The following CDC42SE2 variants were observed in gnomAD, a reference collection of about 807,000 sequenced individuals.
CDC42SE2 encodes the protein CDC42 small effector protein 2.
In CDC42SE2, 3 loss-of-function variants were observed where a neutral mutation model predicts 11.5. The observed-to-expected ratio is 0.26, with a 90% CI of 0.12 to 0.67. CDC42SE2 has a LOEUF of 0.67. CDC42SE2 is among the 30% of genes least tolerant of loss of function. CDC42SE2 has a pLI of 0.80. For missense variants in CDC42SE2, 82 were observed against 106.8 expected (o/e 0.77, Z 1.02); for synonymous variants, 33 against 34.8 (o/e 0.95, Z 0.18).
At chr5:131,283,319 T>C (rs768655409) in intron 1 of CDC42SE2, among the ~76,000 whole-genome samples, 3 of 152,202 alleles carry the variant, frequency 2.0e-5, no homozygotes, top group Admixed American at 6.5e-5. Context: ...TAGTCATTTC[T>C]GTTCTTCCCT....
At chr5:131,331,361 A>G (rs1176980518) in intron 2 of CDC42SE2, among the ~76,000 whole-genome samples, 1 of 152,220 alleles carries the variant, frequency 6.6e-6, no homozygotes, top group Non-Finnish European at 1.5e-5. Context: ...AAGAATCAAC[A>G]TAATTATAAT....
chr5:131,292,749 T>C (rs1241456681), intron 1 of CDC42SE2, among the ~76,000 whole-genome samples: 1 of 149,528 alleles, frequency 6.7e-6, no homozygotes, highest in Non-Finnish European at 1.5e-5. Flanking sequence ...ATAAAAATAA[T>C]AATAAAATAA....
intron 2 of CDC42SE2, among the ~76,000 whole-genome samples, chr5:131,350,399 A>T (rs1758977348): frequency 6.6e-6 from 1 of 152,006 alleles, no homozygotes; most frequent in Non-Finnish European, 1.5e-5. Flanking sequence ...CACCCTACAA[A>T]ATATTAATGT....
intron 2 of CDC42SE2, among the ~76,000 whole-genome samples, chr5:131,257,483 T>C (rs1040078747): frequency 6.6e-6 from 1 of 151,290 alleles, no homozygotes; most frequent in African/African-American, 2.4e-5. Flanking sequence ...TGCTAATTTT[T>C]TTTTTTTTTT....
At chr5:131,300,114 T>C (rs1175598981) in intron 1 of CDC42SE2, among the ~76,000 whole-genome samples, 4 of 152,182 alleles carry the variant, frequency 2.6e-5, no homozygotes, top group African/African-American at 9.7e-5. Flanking sequence ...ATCCCATTGT[T>C]GGTGATCGTG....
At chr5:131,308,930 C>T (rs886119608) in intron 1 of CDC42SE2, among the ~76,000 whole-genome samples, 19 of 150,946 alleles carry the variant, frequency 1.3e-4, no homozygotes, top group African/African-American at 4.4e-4. Flanking sequence ...AATTGAATAC[C>T]CTTTATTTCC....
At chr5:131,278,441 G>A (rs1757149031) in intron 1 of CDC42SE2, among the ~76,000 whole-genome samples, 1 of 151,920 alleles carries the variant, frequency 6.6e-6, no homozygotes, top group Non-Finnish European at 1.5e-5. Flanking sequence ...TTAGATCAGA[G>A]TAGTTAAGTG....
intron 2 of CDC42SE2, among the ~76,000 whole-genome samples, chr5:131,352,480 A>G (rs572380469): frequency 6.6e-6 from 1 of 152,332 alleles, no homozygotes; most frequent in East Asian, 1.9e-4. Context: ...AACTATAGGA[A>G]AGTCTAATCT....
chr5:131,300,511 G>A (rs921675507), intron 1 of CDC42SE2, among the ~76,000 whole-genome samples: 9 of 152,136 alleles, frequency 5.9e-5, no homozygotes, highest in Non-Finnish European at 7.4e-5. Flanking sequence ...TAGGCCTGGC[G>A]CAGTGGCTCA....
intron 2 of CDC42SE2, among the ~76,000 whole-genome samples, chr5:131,344,576 G>A (rs1758794476): frequency 6.6e-6 from 1 of 152,222 alleles, no homozygotes; most frequent in Non-Finnish European, 1.5e-5. Context: ...TATGGGGGCA[G>A]GGCATAGCTG....
intron 2 of CDC42SE2, among the ~76,000 whole-genome samples, chr5:131,259,001 G>C (rs1393961828): frequency 6.6e-6 from 1 of 152,184 alleles, no homozygotes; most frequent in African/African-American, 2.4e-5. Flanking sequence ...GTTTGACTTA[G>C]CTTGCCTTCC....
chr5:131,210,857 G>A, the CDC42SE2 span, among the ~76,000 whole-genome samples: 2 of 152,088 alleles, frequency 1.3e-5, no homozygotes, highest in African/African-American at 2.4e-5. Context: ...TTGTGTGTGT[G>A]AGATGGATTC....
intron 1 of CDC42SE2, among the ~76,000 whole-genome samples, chr5:131,312,294 T>C (rs1757937950): frequency 6.6e-6 from 1 of 152,174 alleles, no homozygotes; most frequent in African/African-American, 2.4e-5. Context: ...GGAGGCAGTC[T>C]GCCCGTTCTC....
the CDC42SE2 span, among the ~76,000 whole-genome samples, chr5:131,236,702 G>A: frequency 6.6e-6 from 1 of 152,124 alleles, no homozygotes; most frequent in South Asian, 2.1e-4. Context: ...GAGATTATAG[G>A]CGTGAACCAT....
the CDC42SE2 span, among the ~76,000 whole-genome samples, chr5:131,227,616 T>C: frequency 6.6e-6 from 1 of 152,270 alleles, no homozygotes; most frequent in Non-Finnish European, 1.5e-5. Context: ...AATCATCCTT[T>C]GGCAACATTT....
At chr5:131,237,244 C>T in the CDC42SE2 span, among the ~76,000 whole-genome samples, 1 of 152,200 alleles carries the variant, frequency 6.6e-6, no homozygotes, top group Non-Finnish European at 1.5e-5. Context: ...GGCAGACTGC[C>T]TCAATCAGCT....
chr5:131,251,323 A>G (rs1756636946), intron 1 of CDC42SE2, among the ~76,000 whole-genome samples: 1 of 151,876 alleles, frequency 6.6e-6, no homozygotes, highest in South Asian at 2.1e-4. Flanking sequence ...CCAAGAAATC[A>G]CTGTGGAGAT....
chr5:131,276,716 A>G (rs951467231), intron 1 of CDC42SE2, among the ~76,000 whole-genome samples: 1 of 143,766 alleles, frequency 7.0e-6, no homozygotes, highest in South Asian at 2.2e-4. Flanking sequence ...TCATATAAAC[A>G]TGACCATTAG....
At chr5:131,231,262 A>G in the CDC42SE2 span, among the ~76,000 whole-genome samples, 1 of 152,130 alleles carries the variant, frequency 6.6e-6, no homozygotes, top group Non-Finnish European at 1.5e-5. Flanking sequence ...TAGATTAATG[A>G]TTGTATTTTC....
Sources: gnomAD v4.1 joint callset for allele counts (sites outside exome capture counted in the v4.1 genomes callset) on GRCh38, gnomAD v4.1.1 for gene constraint, MANE v1.5 for transcripts, NCBI Gene and HGNC (gene_info 2026-07-23, HGNC 2026-07-21) for gene names.